Variants in SNX29 observed in about 807,000 individuals in gnomAD.
The protein encoded by SNX29 is sorting nexin-29.
Under a neutral mutation model 102.1 loss-of-function variants are expected in SNX29, and 78 were observed. The ratio of observed to expected loss-of-function variants is 0.76; its 90% CI spans 0.64 to 0.92. The LOEUF (loss-of-function observed/expected upper bound fraction) is 0.92, where lower values mean the gene tolerates loss of function less well. Among genes scored for constraint, SNX29 ranks in the 40% least tolerant of loss-of-function variants. The pLI is 0.00. For missense variants in SNX29, 1,280 were observed against 1,061.7 expected, an observed-to-expected ratio of 1.21 and a Z score of -2.86; for synonymous variants, 580 against 414.5, an observed-to-expected ratio of 1.40 and a Z score of -4.85.
At chr16:12,561,747 A>G (rs539635215) in intron 20 of SNX29, among the ~76,000 whole-genome samples, 1 of 152,094 alleles carries the variant, frequency 6.6e-6, no homozygotes, top group African/African-American at 2.4e-5. Flanking sequence ...ATGGAGATGG[A>G]GTTTCTGAAA....
intron 13 of SNX29, among the ~76,000 whole-genome samples, chr16:12,185,319 G>T (rs1264330634): frequency 2.0e-5 from 3 of 152,200 alleles, no homozygotes; most frequent in African/African-American, 7.2e-5. Context: ...CTTAGTGCCA[G>T]CCCTGGTTGC....
intron 20 of SNX29, among the ~76,000 whole-genome samples, chr16:12,563,029 A>T (rs2078818435): frequency 6.6e-6 from 1 of 152,140 alleles, no homozygotes; most frequent in South Asian, 2.1e-4. Context: ...TGTTTACATC[A>T]TTGCAAGGGC....
At chr16:12,542,413 A>G (rs143043361) in intron 20 of SNX29, among the ~76,000 whole-genome samples, 6 of 152,314 alleles carry the variant, frequency 3.9e-5, no homozygotes, top group Middle Eastern at 3.4e-3. Context: ...TCCCCTCACT[A>G]CAGCCTTCGC....
chr16:12,256,900 C>T (rs1384486320), intron 14 of SNX29, among the ~76,000 whole-genome samples: 1 of 152,172 alleles, frequency 6.6e-6, no homozygotes, highest in African/African-American at 2.4e-5. Context: ...TCTGCTTTTC[C>T]CACCAAAACT....
intron 18 of SNX29, among the ~76,000 whole-genome samples, chr16:12,433,561 G>T (rs1029290550): frequency 8.6e-5 from 13 of 151,194 alleles, no homozygotes; most frequent in African/African-American, 2.9e-4. Flanking sequence ...AACCCGGGAG[G>T]TGGAGGTTGC....
chr16:12,474,107 G>A (rs1223957766), intron 18 of SNX29, among the ~76,000 whole-genome samples: 3 of 152,184 alleles, frequency 2.0e-5, no homozygotes, highest in African/African-American at 4.8e-5. Flanking sequence ...AAGTGTTAGA[G>A]GGCAGAGGGC....
At chr16:12,522,559 T>A (rs567633766) in intron 19 of SNX29, among the ~76,000 whole-genome samples, 1 of 152,064 alleles carries the variant, frequency 6.6e-6, no homozygotes, top group Non-Finnish European at 1.5e-5. Flanking sequence ...GGGGGTGGAT[T>A]TCCTCCTTGC....
At chr16:11,999,072 A>G (rs772218297) in intron 1 of SNX29, among the ~76,000 whole-genome samples, 7 of 152,152 alleles carry the variant, frequency 4.6e-5, no homozygotes, top group Non-Finnish European at 8.8e-5. Context: ...GGGTTGAGAA[A>G]CCTTTAGACC....
intron 15 of SNX29, among the ~76,000 whole-genome samples, chr16:12,309,850 C>T (rs533684915): frequency 1.3e-4 from 20 of 152,276 alleles, no homozygotes; most frequent in African/African-American, 4.3e-4. Context: ...GTGCCTTTGA[C>T]CATCCCCTAC....
chr16:12,549,350 C>T (rs1408863144), intron 20 of SNX29, among the ~76,000 whole-genome samples: 1 of 152,114 alleles, frequency 6.6e-6, no homozygotes, highest in African/African-American at 2.4e-5. Flanking sequence ...CAAAAATTAG[C>T]CATGGGTGGT....
chr16:11,985,710 G>A (rs1380630084), intron 1 of SNX29, among the ~76,000 whole-genome samples: 1 of 152,172 alleles, frequency 6.6e-6, no homozygotes, highest in Non-Finnish European at 1.5e-5. Context: ...GAACTTCAGG[G>A]GAAGGGCTGC....
chr16:12,515,165 G>C (rs2151932547), intron 19 of SNX29, among the ~76,000 whole-genome samples: 1 of 152,244 alleles, frequency 6.6e-6, no homozygotes, highest in African/African-American at 2.4e-5. Context: ...CAGGCACCCT[G>C]TCCTCATTCT....
intron 13 of SNX29, among the ~76,000 whole-genome samples, chr16:12,159,025 T>C (rs1472925818): frequency 6.6e-6 from 1 of 152,236 alleles, no homozygotes; most frequent in Non-Finnish European, 1.5e-5. Flanking sequence ...AGATGAGCCC[T>C]TCTGGAATTA....
At chr16:12,530,441 C>T (rs1157085010) in intron 20 of SNX29, among the ~76,000 whole-genome samples, 3 of 152,156 alleles carry the variant, frequency 2.0e-5, no homozygotes, top group Non-Finnish European at 4.4e-5. Flanking sequence ...CCCATGCACA[C>T]CTACCCTTGC....
intron 18 of SNX29, among the ~76,000 whole-genome samples, chr16:12,466,073 A>G (rs2087037968): frequency 6.6e-6 from 1 of 152,244 alleles, no homozygotes; most frequent in East Asian, 1.9e-4. Context: ...CGTTTGCTCT[A>G]GGATGAAGAA....
At position 12,569,399 on chromosome 16, in the gene SNX29, G is replaced by A. The variant is rs2079137410; in HGVS notation, c.*770G>A. On this transcript the variant is annotated 3_prime_UTR_variant, in exon 21 of 21. Transcript: ENST00000566228. ...CAGACATCTGGCCCAGCCATCAGCAGCAACCTAGTAACCCGGCGTCATCCA... is the reference window on the plus strand; with the variant it reads ...CAGACATCTGGCCCAGCCATCAGCAACAACCTAGTAACCCGGCGTCATCCA... 8.7e-6 allele frequency: 2 copies of A among 230,722 alleles called. No individual in the cohort carries two copies. The highest frequency in any genetic ancestry group is 8.6e-6 in the Non-Finnish European group (1 of 116,598). 14.3% of individuals were successfully genotyped at this position (230,722 alleles called of 1,614,324 possible).
intron 18 of SNX29, among the ~76,000 whole-genome samples, chr16:12,444,842 G>GTCT (rs2085974249): frequency 7.5e-6 from 1 of 132,606 alleles, no homozygotes; most frequent in Admixed American, 7.8e-5. Context: ...GTTTTTTTTT[G>GTCT]TTTTTTTTTT....
At position 12,096,293 on chromosome 16, in the gene SNX29, C is replaced by A. The variant is rs986688804; in HGVS notation, c.1402+17378C>A. Among the ~76,000 whole-genome samples the A allele has an allele frequency of 6.6e-6, 1 of 152,218 alleles. No individual in the cohort carries two copies. The highest frequency in any genetic ancestry group is 2.4e-5 in the African/African-American group (1 of 41,458). Reference sequence around the variant, plus strand: ...AGGTTCCAGATGGCATTTAGACATGCCTCACTTCTTTATCATCTGTTTATT... The same window carrying A: ...AGGTTCCAGATGGCATTTAGACATGACTCACTTCTTTATCATCTGTTTATT... On this transcript the variant is annotated intron_variant, in intron 11 of 20. Coordinates refer to ENST00000566228, the MANE Select transcript of SNX29 (RefSeq NM_032167.5). The surrounding 1 kb of genome is among the most constrained non-coding windows in gnomAD (Gnocchi z 4.2).
chr16:12,219,640 G>A (rs772783835), intron 14 of SNX29, among the ~76,000 whole-genome samples: 1 of 152,192 alleles, frequency 6.6e-6, no homozygotes, highest in Non-Finnish European at 1.5e-5. Flanking sequence ...CTTATTGAAT[G>A]TATAAACATG....
Sources: allele counts gnomAD v4.1 joint callset (sites outside exome capture counted in the v4.1 genomes callset), GRCh38; gene constraint gnomAD v4.1.1; non-coding constraint Gnocchi (gnomAD v3.1); transcripts MANE v1.5; gene names NCBI Gene and HGNC (gene_info 2026-07-23, HGNC 2026-07-21).